Variants in CACNA2D3 observed in about 807,000 individuals in gnomAD.
The protein encoded by CACNA2D3 is voltage-dependent calcium channel subunit alpha-2/delta-3.
Under a neutral mutation model 160.6 loss-of-function variants are expected in CACNA2D3, and 60 were observed. The observed-to-expected ratio is 0.37, with a 90% CI of 0.30 to 0.46. The LOEUF is 0.46. Among genes scored for constraint, CACNA2D3 ranks in the 20% least tolerant of loss-of-function variants. The pLI is 1.00. For missense variants in CACNA2D3, 1,205 were observed against 1,365.0 expected (o/e 0.88, Z 1.85); for synonymous variants, 558 against 492.9 (o/e 1.13, Z -1.75).
chr3:54,604,052 A>G (rs1703114135), intron 9 of CACNA2D3, among the ~76,000 whole-genome samples: 1 of 152,086 alleles, frequency 6.6e-6, no homozygotes, highest in South Asian at 2.1e-4. Flanking sequence ...ATTTTTTGCT[A>G]TTATAAACAA....
chr3:54,970,433 TCCTCC>T (rs1353713918), intron 29 of CACNA2D3, among the ~76,000 whole-genome samples: 19 of 89,526 alleles, frequency 2.1e-4, no homozygotes, highest in African/African-American at 5.6e-4. Flanking sequence ...CTCCCTCCTC[TCCTCC>T]CCTCCCCTCC....
At chr3:54,725,936 T>G (rs1235442243) in intron 11 of CACNA2D3, among the ~76,000 whole-genome samples, 1 of 151,992 alleles carries the variant, frequency 6.6e-6, no homozygotes, top group Non-Finnish European at 1.5e-5. Context: ...GGGAAAGAAA[T>G]AAAGGGTATT....
At chr3:54,593,801 A>G (rs754088883) in intron 9 of CACNA2D3, among the ~76,000 whole-genome samples, 13 of 152,322 alleles carry the variant, frequency 8.5e-5, no homozygotes, top group Non-Finnish European at 1.8e-4. Flanking sequence ...ACTGATTTAA[A>G]TAAATTATAA....
intron 8 of CACNA2D3, among the ~76,000 whole-genome samples, chr3:54,571,807 A>G (rs1330118539): frequency 6.6e-6 from 1 of 152,098 alleles, no homozygotes; most frequent in East Asian, 1.9e-4. Context: ...TTCACCACAT[A>G]TGCTGTGTGT....
chr3:54,731,384 AC>A, intron 11 of CACNA2D3, among the ~76,000 whole-genome samples: 1 of 152,222 alleles, frequency 6.6e-6, no homozygotes, highest in Non-Finnish European at 1.5e-5. Flanking sequence ...GGTTCTTCAG[AC>A]CCTCATACAT....
chr3:54,187,277 C>T (rs566522980), intron 2 of CACNA2D3, among the ~76,000 whole-genome samples: 1 of 152,222 alleles, frequency 6.6e-6, no homozygotes, highest in Admixed American at 6.5e-5. Flanking sequence ...GCAAATAAAA[C>T]TTAATATACT....
chr3:54,216,766 A>C (rs905630780), intron 2 of CACNA2D3, among the ~76,000 whole-genome samples: 3 of 152,086 alleles, frequency 2.0e-5, no homozygotes, highest in Non-Finnish European at 4.4e-5. Flanking sequence ...GTAAGACGGG[A>C]CTCCTCAGCC....
At chr3:54,511,948 G>A (rs1701466288) in intron 5 of CACNA2D3, among the ~76,000 whole-genome samples, 1 of 152,230 alleles carries the variant, frequency 6.6e-6, no homozygotes, top group African/African-American at 2.4e-5. Flanking sequence ...AATTGCAGCA[G>A]CAACTGTTGC....
intron 11 of CACNA2D3, among the ~76,000 whole-genome samples, chr3:54,686,430 C>A (rs968672643): frequency 6.6e-5 from 10 of 152,192 alleles, no homozygotes; most frequent in Non-Finnish European, 1.5e-4. Context: ...TCTCAAGATT[C>A]ATGGTCAAAG....
intron 4 of CACNA2D3, among the ~76,000 whole-genome samples, chr3:54,451,229 C>CTTATTTT (rs1700301803): frequency 3.9e-5 from 2 of 51,754 alleles, no homozygotes; most frequent in African/African-American, 1.7e-4. Context: ...ATATAATAAT[C>CTTATTTT]TTTTTTTTTT....
At chr3:54,256,673 GCTCT>G (rs1473113571) in intron 2 of CACNA2D3, among the ~76,000 whole-genome samples, 1 of 149,216 alleles carries the variant, frequency 6.7e-6, no homozygotes, top group Non-Finnish European at 1.5e-5. Context: ...ATGGCATTGT[GCTCT>G]CTGTTACTGA....
At chr3:54,495,829 T>C (rs1701194291) in intron 4 of CACNA2D3, among the ~76,000 whole-genome samples, 1 of 152,088 alleles carries the variant, frequency 6.6e-6, no homozygotes, top group Non-Finnish European at 1.5e-5. Context: ...TGACTCTCAC[T>C]CTCCCTCTGA....
At chr3:54,161,707 T>A (rs1700347736) in intron 2 of CACNA2D3, among the ~76,000 whole-genome samples, 2 of 152,216 alleles carry the variant, frequency 1.3e-5, no homozygotes, top group South Asian at 2.1e-4. Flanking sequence ...ACCTGTTCAA[T>A]ATCATGATAT....
chr3:54,667,538 T>C (rs975669160), intron 11 of CACNA2D3, among the ~76,000 whole-genome samples: 4 of 152,178 alleles, frequency 2.6e-5, no homozygotes, highest in Non-Finnish European at 5.9e-5. Flanking sequence ...TATTGAACCT[T>C]GAAAACTGAT....
intron 11 of CACNA2D3, among the ~76,000 whole-genome samples, chr3:54,655,969 G>C (rs1046046521): frequency 2.6e-5 from 4 of 152,192 alleles, no homozygotes; most frequent in African/African-American, 9.7e-5. Flanking sequence ...CCCTCATTTA[G>C]AAAATAGGAG....
chr3:54,592,650 A>T (rs1416809351), intron 9 of CACNA2D3, among the ~76,000 whole-genome samples: 1 of 151,234 alleles, frequency 6.6e-6, no homozygotes, highest in African/African-American at 2.4e-5. Flanking sequence ...GAATGATATG[A>T]TTTTTCTCTG....
At chr3:54,726,487 C>T (rs1321564417) in intron 11 of CACNA2D3, among the ~76,000 whole-genome samples, 1 of 152,172 alleles carries the variant, frequency 6.6e-6, no homozygotes, top group Non-Finnish European at 1.5e-5. Context: ...AGGCTGGAGG[C>T]ATCACACTAC....
intron 3 of CACNA2D3, among the ~76,000 whole-genome samples, chr3:54,380,573 C>T (rs1221736204): frequency 3.3e-5 from 5 of 151,948 alleles, no homozygotes; most frequent in Non-Finnish European, 7.4e-5. Context: ...CCTGTCTCTA[C>T]TAAAAATACA....
intron 8 of CACNA2D3, among the ~76,000 whole-genome samples, chr3:54,570,667 C>G (rs1412913582): frequency 1.3e-5 from 2 of 151,946 alleles, no homozygotes; most frequent in Non-Finnish European, 2.9e-5. Flanking sequence ...CTTGGTTTTT[C>G]ACAGCAAGTC....
Sources: allele counts gnomAD v4.1 joint callset (sites outside exome capture counted in the v4.1 genomes callset), GRCh38; gene constraint gnomAD v4.1.1; transcripts MANE v1.5; gene names NCBI Gene and HGNC (gene_info 2026-07-23, HGNC 2026-07-21).